Variants in TBC1D10A observed in about 807,000 individuals in gnomAD.
TBC1D10A encodes the protein EBP50-PDX interactor of 64 kDa.
Under a neutral mutation model 52.9 loss-of-function variants are expected in TBC1D10A, and 24 were observed. That is an observed-to-expected ratio of 0.45 (90% CI 0.33 to 0.64). The LOEUF is 0.64. Ranked by LOEUF, TBC1D10A falls within the 30% of genes least tolerant of loss-of-function variation. The pLI is 0.02. For missense variants in TBC1D10A, 602 were observed against 687.9 expected (o/e 0.88, Z 1.40); for synonymous variants, 278 against 282.9 (o/e 0.98, Z 0.17).
At position 30,295,011 on chromosome 22, in the gene TBC1D10A, C is replaced by T. The variant is rs1423890354; in HGVS notation, c.569G>A (p.Arg190Gln). 5 of 1,613,916 alleles carry T rather than the reference C, an allele frequency of 3.1e-6. No individual in the cohort carries two copies. Among genetic ancestry groups the T allele is most frequent in the East Asian group, 2.2e-5 (1 of 44,900 alleles). Reference protein sequence around the residue: ...FRVLKAYTLYRPEEGYCQAQA... With the variant: ...FRVLKAYTLYQPEEGYCQAQA... ...GGCCTGGCAGTAGCCCTCCTCGGGC[C>T]GGTACAGCGTGTAGGCCTTCAGCAC... The change falls in exon 5 of 9, where the codon CGG (arginine) becomes CAG (glutamine). Residue 190 changes from arginine (R) to glutamine (Q), a missense_variant. Coordinates refer to ENST00000215790, the MANE Select transcript of TBC1D10A (RefSeq NM_031937.3).
At chr22:30,305,476 G>A (rs529073830) in intron 1 of TBC1D10A, 23 of 152,394 alleles carry the variant, frequency 1.5e-4, no homozygotes, top group African/African-American at 5.3e-4. Flanking sequence ...AAGATACTCA[G>A]GAAAGGTATC....
intron 1 of TBC1D10A, among the ~76,000 whole-genome samples, chr22:30,312,092 C>T (rs1262717635): frequency 6.6e-6 from 1 of 152,212 alleles, no homozygotes; most frequent in African/African-American, 2.4e-5. Flanking sequence ...TGAGTGCCGC[C>T]TGAGACTATT....
rs549055683 is a variant in TBC1D10A at position 30,299,756 on chromosome 22, C to G, written c.310-205G>C. On this transcript the variant is annotated intron_variant, in intron 2 of 8. Transcript: ENST00000215790. ...CCGAGGCGGGTGGATCACCTGAGTT[C>G]AGGAGTTTGAGACCAGCCTGGCCAA... 19 of 448,758 alleles carry G rather than the reference C, an allele frequency of 4.2e-5. No individual in the cohort carries two copies. The East Asian group carries it at 6.6e-4, about 16-fold the overall frequency. The allele number at this position is 448,758 out of a possible 1,614,324, so 27.8% of individuals were successfully genotyped here.
At chr22:30,296,336 A>AATGTCAAGGCCTC (rs1417211846) in intron 3 of TBC1D10A, 1 of 153,956 alleles carries the variant, frequency 6.5e-6, no homozygotes, top group African/African-American at 2.4e-5. Context: ...GAGAAAACTG[A>AATGTCAAGGCCTC]ATGTCAAGGC....
chr22:30,308,218 C>T (rs190630525), intron 1 of TBC1D10A, among the ~76,000 whole-genome samples: 30 of 150,970 alleles, frequency 2.0e-4, no homozygotes, highest in African/African-American at 7.4e-4. Flanking sequence ...ACAGCTCATG[C>T]TCTTGACCCT....
intron 1 of TBC1D10A, among the ~76,000 whole-genome samples, chr22:30,316,219 T>C (rs990476236): frequency 1.3e-5 from 2 of 152,152 alleles, no homozygotes; most frequent in Non-Finnish European, 1.5e-5. Flanking sequence ...GGTATGGTAG[T>C]TCATGCCTCT....
chr22:30,304,235 TA>T, intron 2 of TBC1D10A, among the ~76,000 whole-genome samples: 1 of 152,348 alleles, frequency 6.6e-6, no homozygotes, highest in East Asian at 1.9e-4. Context: ...AAGCAGCACT[TA>T]AGTCCTTCCC....
chr22:30,304,617 G>A lies in TBC1D10A; in HGVS notation c.223C>T (p.Pro75Ser), dbSNP rs973997336. 6.2e-7 allele frequency: 1 copy of A among 1,613,986 alleles called. No homozygotes were observed. Among genetic ancestry groups the A allele is most frequent in the South Asian group, 1.1e-5 (1 of 91,054 alleles). ...QGAEGALEEV[P>S]LEVLRQRESK... ...TCCCTCTGCCTCAGCACCTCCAGGG[G>A]TACTTCCTCCAGCCTGTGGAGCAGA... Residue 75 changes from proline (P) to serine (S), a missense_variant, in exon 2 of 9, where the codon CCC becomes TCC. Coordinates refer to ENST00000215790, the MANE Select transcript of TBC1D10A (RefSeq NM_031937.3).
chr22:30,318,088 C>A (rs1181023813), intron 1 of TBC1D10A, among the ~76,000 whole-genome samples: 1 of 152,182 alleles, frequency 6.6e-6, no homozygotes, highest in African/African-American at 2.4e-5. Context: ...TCTCCGGATG[C>A]CACTGGTGGT....
At chr22:30,303,317 ACAG>A (rs1930244761) in intron 2 of TBC1D10A, among the ~76,000 whole-genome samples, 1 of 152,094 alleles carries the variant, frequency 6.6e-6, no homozygotes, top group African/African-American at 2.4e-5. Flanking sequence ...AGACAGACAG[ACAG>A]ACAGACAGAC....
intron 2 of TBC1D10A, among the ~76,000 whole-genome samples, chr22:30,303,111 T>C (rs1303912262): frequency 6.6e-6 from 1 of 152,168 alleles, no homozygotes; most frequent in Non-Finnish European, 1.5e-5. Context: ...TGAAACCCCA[T>C]CTCTACAAAA....
intron 1 of TBC1D10A, among the ~76,000 whole-genome samples, chr22:30,317,809 C>A (rs1445634349): frequency 6.6e-6 from 1 of 152,198 alleles, no homozygotes; most frequent in South Asian, 2.1e-4. Context: ...GTTGACCAGA[C>A]TGGTTGAAAC....
At chr22:30,296,526 T>C (rs1930084426) in intron 3 of TBC1D10A, 1 of 152,260 alleles carries the variant, frequency 6.6e-6, no homozygotes. Context: ...TGGAAGGACA[T>C]GACATCTGTC....
rs1043316992 is a variant in TBC1D10A, at chr22:30,326,576, G to A, written c.209+97C>T. On this transcript the variant is annotated intron_variant, in intron 1 of 8. Coordinates refer to ENST00000215790, the MANE Select transcript of TBC1D10A (RefSeq NM_031937.3). ...ACGGGGATTAGTGGTCCCTGCCTGGGAGGGGGACGTGTCGGCAAGTCCCGA... is the reference window on the plus strand; with the variant it reads ...ACGGGGATTAGTGGTCCCTGCCTGGAAGGGGGACGTGTCGGCAAGTCCCGA... 24 of 1,208,110 alleles carry A rather than the reference G, an allele frequency of 2.0e-5. No homozygotes were observed. The Admixed American group carries it at 6.1e-4, about 30-fold the overall frequency. 74.8% of individuals were successfully genotyped at this position (1,208,110 alleles called of 1,614,324 possible).
intron 1 of TBC1D10A, among the ~76,000 whole-genome samples, chr22:30,313,452 C>T (rs1415392699): frequency 6.6e-6 from 1 of 150,956 alleles, no homozygotes; most frequent in Non-Finnish European, 1.5e-5. Flanking sequence ...GGCGCAATCT[C>T]GACTCACTGC....
intron 8 of TBC1D10A, 148 bp downstream of exon 8, chr22:30,293,503 A>C (rs1929997398): frequency 8.4e-7 from 1 of 1,186,510 alleles, no homozygotes; most frequent in East Asian, 2.4e-5. Context: ...AGACAGAAGG[A>C]TGAGGTCCAC....
rs749055989 is a variant in TBC1D10A at position 30,295,038 on chromosome 22, C to A, written c.542G>T (p.Arg181Leu). 3 of 1,613,830 alleles carry A rather than the reference C, an allele frequency of 1.9e-6. No individual in the cohort carries two copies. Among genetic ancestry groups the A allele is most frequent in the African/African-American group, 1.3e-5 (1 of 74,922 alleles). ...GTACAGCGTGTAGGCCTTCAGCACA[C>A]GGAATAGGTCCTGCTGGCTGTGGAG... ...RGGHGQQDLF[R>L]VLKAYTLYRP... Residue 181 changes from arginine to leucine, a missense_variant, in exon 5 of 9, where the codon CGT becomes CTT. Coordinates refer to ENST00000215790, the MANE Select transcript of TBC1D10A (RefSeq NM_031937.3).
At position 30,309,382 on chromosome 22, in the gene TBC1D10A, C is replaced by T. The variant is rs549130380; in HGVS notation, c.210-4752G>A. Among the ~76,000 whole-genome samples, 5 of 152,232 alleles carry T rather than the reference C, an allele frequency of 3.3e-5. No homozygotes were observed. The South Asian group carries it at 1.0e-3, about 32-fold the overall frequency. ...ATCCCAAGTAGCTGGGGCACCACCA[C>T]ACCCAGCTAATTTTTGTATTTTTAG... On this transcript the variant is annotated intron_variant, in intron 1 of 8. Coordinates refer to ENST00000215790, the MANE Select transcript of TBC1D10A (RefSeq NM_031937.3).
chr22:30,301,816 A>C (rs917452209), intron 2 of TBC1D10A, among the ~76,000 whole-genome samples: 2 of 152,178 alleles, frequency 1.3e-5, no homozygotes, highest in Admixed American at 6.5e-5. Flanking sequence ...ACAGGTGCCA[A>C]GTGAGAGCTT....
Sources: gnomAD v4.1 joint callset for allele counts (sites outside exome capture counted in the v4.1 genomes callset) on GRCh38, gnomAD v4.1.1 for gene constraint, MANE v1.5 for transcripts, NCBI Gene and HGNC (gene_info 2026-07-23, HGNC 2026-07-21) for gene names.